The following TMTC2 variants were observed in gnomAD, a reference collection of about 807,000 sequenced individuals.
TMTC2 encodes protein O-mannosyl-transferase TMTC2.
Under a neutral mutation model 82.4 loss-of-function variants are expected in TMTC2, and 43 were observed. That is an observed-to-expected ratio of 0.52 (90% CI 0.41 to 0.67). TMTC2 has a LOEUF of 0.67. Among genes scored for constraint, TMTC2 ranks in the 30% least tolerant of loss-of-function variants. The pLI is 0.00. For synonymous variants in TMTC2, 408 were observed against 381.9 expected (o/e 1.07, Z -0.80); for missense variants, 919 against 1,012.4 (o/e 0.91, Z 1.25).
chr12:83,062,316 T>G (rs113682473), intron 11 of TMTC2, among the ~76,000 whole-genome samples: 11 of 151,892 alleles, frequency 7.2e-5, no homozygotes, highest in African/African-American at 2.4e-4. Context: ...ATTACAATTT[T>G]TCTCTGGGTA....
chr12:83,038,083 A>G (rs1227696736), intron 9 of TMTC2, among the ~76,000 whole-genome samples: 2 of 145,392 alleles, frequency 1.4e-5, no homozygotes, highest in African/African-American at 5.1e-5. Context: ...TAGGAATTGA[A>G]CAATGAGAAC....
chr12:83,067,636 T>C (rs1482986442), intron 11 of TMTC2, among the ~76,000 whole-genome samples: 2 of 152,006 alleles, frequency 1.3e-5, no homozygotes, highest in Non-Finnish European at 2.9e-5. Flanking sequence ...GAAGAAAGGA[T>C]AGAATTTTAT....
rs979844825 is a variant in TMTC2 at position 82,727,864 on chromosome 12, A to G, written c.83+40195A>G. ...AAGGCCAAAAAAAAAAAAAAAAAAAAAGAGAGAAGGAAATGGCAGATTACT... is the reference window on the plus strand; with the variant it reads ...AAGGCCAAAAAAAAAAAAAAAAAAAGAGAGAGAAGGAAATGGCAGATTACT... On this transcript the variant is annotated intron_variant, in intron 1 of 11. Transcript: ENST00000321196. Among the ~76,000 whole-genome samples the G allele has an allele frequency of 4.0e-5, 6 of 150,600 alleles. No homozygotes were observed. The South Asian group carries it at 6.4e-4, about 16-fold the overall frequency.
chr12:82,801,991 C>CG (rs1879029431), intron 1 of TMTC2, among the ~76,000 whole-genome samples: 1 of 152,070 alleles, frequency 6.6e-6, no homozygotes, highest in Non-Finnish European at 1.5e-5. Context: ...GGATCCTGCA[C>CG]GGGGGCACAG....
Position 82,991,061 on chromosome 12 carries a change from G to C in TMTC2, c.2070+5015G>C, listed in dbSNP as rs192942777. On this transcript the variant is annotated intron_variant, in intron 8 of 11. Coordinates refer to ENST00000321196, the MANE Select transcript of TMTC2 (RefSeq NM_152588.3). ...GACATGTGATATTTAATAGAAGCTT[G>C]ATAACAACCCTTAGGGAGTATTATC... Among the ~76,000 whole-genome samples, 4 of 152,244 alleles carry C rather than the reference G, an allele frequency of 2.6e-5. No homozygotes were observed. The East Asian group carries it at 7.7e-4, about 29-fold the overall frequency.
intron 8 of TMTC2, among the ~76,000 whole-genome samples, chr12:83,027,155 A>G (rs1480076303): frequency 3.3e-5 from 5 of 152,166 alleles, no homozygotes; most frequent in Non-Finnish European, 5.9e-5. Context: ...AAAATGAGGA[A>G]TAATGCTTGT....
At chr12:82,833,769 T>G (rs7315880) in intron 1 of TMTC2, among the ~76,000 whole-genome samples, 12,686 of 152,180 alleles carry the variant, frequency 0.083, 600 homozygotes, top group Middle Eastern at 0.19. Context: ...ATCCATTACA[T>G]GAATAATTGG....
At chr12:82,889,520 T>C (rs976045239) in intron 2 of TMTC2, among the ~76,000 whole-genome samples, 11 of 152,150 alleles carry the variant, frequency 7.2e-5, no homozygotes, top group African/African-American at 2.7e-4. Flanking sequence ...CTCCCTACAC[T>C]AGAGGTTTCC....
At chr12:82,923,835 T>C (rs1286620660) in intron 3 of TMTC2, among the ~76,000 whole-genome samples, 2 of 152,216 alleles carry the variant, frequency 1.3e-5, no homozygotes, top group African/African-American at 4.8e-5. Flanking sequence ...AGCCTTGGAA[T>C]ATTCCTCCAT....
chr12:82,985,803 A>C, intron 7 of TMTC2, 122 bp from the exon 8 acceptor site: 1 of 1,244,336 alleles, frequency 8.0e-7, no homozygotes, highest in East Asian at 2.4e-5. Context: ...AACATGAATG[A>C]AAGTACTTCC....
intron 1 of TMTC2, among the ~76,000 whole-genome samples, chr12:82,819,363 C>A (rs1345895784): frequency 2.0e-5 from 3 of 152,108 alleles, no homozygotes; most frequent in Admixed American, 6.6e-5. Context: ...GTTTAGATAA[C>A]ATGGCTCTGA....
chr12:82,695,733 G>A (rs1457191191), intron 1 of TMTC2, among the ~76,000 whole-genome samples: 4 of 152,126 alleles, frequency 2.6e-5, no homozygotes, highest in Non-Finnish European at 5.9e-5. Flanking sequence ...CTCTGCGGGG[G>A]GTGCTTTAGG....
intron 9 of TMTC2, among the ~76,000 whole-genome samples, chr12:83,050,369 C>T (rs1276823901): frequency 6.6e-6 from 1 of 151,638 alleles, no homozygotes; most frequent in Non-Finnish European, 1.5e-5. Context: ...TTCTGTGACT[C>T]TGTCTGCAGT....
intron 7 of TMTC2, among the ~76,000 whole-genome samples, chr12:82,968,344 A>G (rs1040536457): frequency 3.3e-5 from 5 of 152,148 alleles, no homozygotes; most frequent in African/African-American, 7.2e-5. Flanking sequence ...TTCACCATCA[A>G]TCTGTCTATA....
Position 82,891,494 on chromosome 12 carries a change from G to T in TMTC2, c.655-4324G>T, listed in dbSNP as rs1436106426. ...TGGCTAATTTTGTATTTTTAGTAGA[G>T]ACGGGGTTTCTCCATGTTGGTCAGG... On this transcript the variant is annotated intron_variant, in intron 2 of 11. Coordinates refer to ENST00000321196, the MANE Select transcript of TMTC2 (RefSeq NM_152588.3). 2.0e-5 allele frequency among the ~76,000 whole-genome samples: 3 copies of T among 152,140 alleles called. No individual in the cohort carries two copies. The East Asian group carries it at 5.8e-4, about 30-fold the overall frequency.
At chr12:82,729,949 G>T (rs1874688291) in intron 1 of TMTC2, among the ~76,000 whole-genome samples, 1 of 152,098 alleles carries the variant, frequency 6.6e-6, no homozygotes, top group African/African-American at 2.4e-5. Flanking sequence ...TGCTTAAAGA[G>T]CTGTAACACT....
chr12:82,772,013 C>T (rs1446514146), intron 1 of TMTC2, among the ~76,000 whole-genome samples: 2 of 152,132 alleles, frequency 1.3e-5, no homozygotes, highest in Admixed American at 6.5e-5. Flanking sequence ...ACAACATCTC[C>T]CTCTGCTGCT....
chr12:83,033,509 T>C (rs894758458), intron 9 of TMTC2, among the ~76,000 whole-genome samples: 3 of 152,098 alleles, frequency 2.0e-5, no homozygotes, highest in Non-Finnish European at 4.4e-5. Context: ...TCCCAGCACT[T>C]TGGGAGGCCG....
chr12:82,941,814 C>T (rs1876734788), intron 4 of TMTC2, among the ~76,000 whole-genome samples: 1 of 152,180 alleles, frequency 6.6e-6, no homozygotes, highest in Non-Finnish European at 1.5e-5. Context: ...GGCTGGAGTG[C>T]AGTGTCACGA....
Sources: gnomAD v4.1 joint callset for allele counts (sites outside exome capture counted in the v4.1 genomes callset) on GRCh38, gnomAD v4.1.1 for gene constraint, MANE v1.5 for transcripts, NCBI Gene and HGNC (gene_info 2026-07-23, HGNC 2026-07-21) for gene names.